SH3PXD2B: variants seen among roughly 807,000 people sequenced by gnomAD.
The protein encoded by SH3PXD2B is SH3 and PX domain-containing protein 2B.
In SH3PXD2B, 37 loss-of-function variants were observed where a neutral mutation model predicts 73.1. The ratio of observed to expected loss-of-function variants is 0.51; its 90% CI spans 0.39 to 0.67. The LOEUF is 0.67. Ranked by LOEUF, SH3PXD2B falls within the 30% of genes least tolerant of loss-of-function variation. SH3PXD2B has a pLI of 0.00. For synonymous variants in SH3PXD2B, 457 were observed against 480.5 expected (o/e 0.95, Z 0.64); for missense variants, 1,053 against 1,197.8 (o/e 0.88, Z 1.78).
intron 1 of SH3PXD2B, among the ~76,000 whole-genome samples, chr5:172,447,892 T>A (rs4868170): frequency 9.7e-5 from 12 of 123,270 alleles, no homozygotes; most frequent in Non-Finnish European, 1.7e-4. Flanking sequence ...TGGGGTGGGG[T>A]GGGGGATGGG....
chr5:172,355,368 T>C (rs1374624268), intron 8 of SH3PXD2B, among the ~76,000 whole-genome samples: 1 of 152,134 alleles, frequency 6.6e-6, no homozygotes. Context: ...AGCTGCAGGC[T>C]AGGCTGCTGG....
In SH3PXD2B at chr5:172,405,726, G is replaced by A. The variant is rs146349060; in HGVS notation, c.232+551C>T. Among the ~76,000 whole-genome samples the A allele has an allele frequency of 1.3e-4, 20 of 152,254 alleles. No individual in the cohort carries two copies. The East Asian group carries it at 3.3e-3, about 25-fold the overall frequency. On this transcript the variant is annotated intron_variant, in intron 3 of 12. Coordinates refer to ENST00000311601, the MANE Select transcript of SH3PXD2B (RefSeq NM_001017995.3). ...CCAGTTGGGCCAAAAACCCTGCCTG[G>A]ATTTTTGGCCCACAGACCTGTGAGG...
At chr5:172,440,531 C>T (rs1470083223) in intron 1 of SH3PXD2B, among the ~76,000 whole-genome samples, 1 of 152,214 alleles carries the variant, frequency 6.6e-6, no homozygotes, top group East Asian at 1.9e-4. Context: ...GTCATCCTCT[C>T]ACCTTTCAGC....
intron 12 of SH3PXD2B, among the ~76,000 whole-genome samples, chr5:172,343,408 A>T (rs567223569): frequency 9.2e-5 from 14 of 152,362 alleles, no homozygotes; most frequent in African/African-American, 3.4e-4. Flanking sequence ...TTTGCAAAGT[A>T]TTGTGGTAGA....
At chr5:172,364,804 C>T (rs1158541034) in intron 6 of SH3PXD2B, among the ~76,000 whole-genome samples, 3 of 152,146 alleles carry the variant, frequency 2.0e-5, no homozygotes, top group Non-Finnish European at 4.4e-5. Flanking sequence ...GTTGGTAGCT[C>T]GAAATTGGCC....
intron 6 of SH3PXD2B, among the ~76,000 whole-genome samples, chr5:172,368,595 G>A (rs866698048): frequency 5.6e-4 from 5 of 8,982 alleles, no homozygotes; most frequent in Admixed American, 2.6e-3. Flanking sequence ...TATAAAATAT[G>A]TTATATATAT....
chr5:172,432,997 C>A (rs76019020), intron 1 of SH3PXD2B, among the ~76,000 whole-genome samples: 7,235 of 151,652 alleles, frequency 0.048, 258 homozygotes, highest in South Asian at 0.19. Context: ...TACACACACA[C>A]ACACAGTTAC....
rs1384168829 is a variant in SH3PXD2B, at chr5:172,390,492, C to T, written c.309+4071G>A. 4.6e-5 allele frequency among the ~76,000 whole-genome samples: 7 copies of T among 152,236 alleles called. No individual in the cohort carries two copies. The East Asian group carries it at 1.3e-3, about 29-fold the overall frequency. ...CTCCAACTCCTGGACTCAAGCAATC[C>T]TCCTGCCTCAGCCTTCTGTGTCCTG... On this transcript the variant is annotated intron_variant, in intron 4 of 12. Coordinates refer to ENST00000311601, the MANE Select transcript of SH3PXD2B (RefSeq NM_001017995.3).
At chr5:172,358,725 G>A (rs773311710) in intron 8 of SH3PXD2B, 48 bp downstream of exon 8, 2 of 1,539,548 alleles carry the variant, frequency 1.3e-6, no homozygotes, top group South Asian at 2.3e-5. Context: ...TATAGGCGAT[G>A]ACTGCACAGG....
chr5:172,409,915 C>T lies in SH3PXD2B; in HGVS notation c.157-3563G>A, dbSNP rs570284173. Among the ~76,000 whole-genome samples, 16 of 152,266 alleles carry T rather than the reference C, an allele frequency of 1.1e-4. No homozygotes were observed. The South Asian group carries it at 3.3e-3, about 32-fold the overall frequency. On this transcript the variant is annotated intron_variant, in intron 2 of 12. Transcript: ENST00000311601. ...ATTTTTAGTACAGACGGGGTTTCACCATCTTGGTCAGGCTAGTCTTGAACT... is the reference window on the plus strand; with the variant it reads ...ATTTTTAGTACAGACGGGGTTTCACTATCTTGGTCAGGCTAGTCTTGAACT...
intron 1 of SH3PXD2B, among the ~76,000 whole-genome samples, chr5:172,433,722 T>A (rs1759305810): frequency 6.6e-6 from 1 of 152,128 alleles, no homozygotes; most frequent in African/African-American, 2.4e-5. Flanking sequence ...TGAGGTTAAG[T>A]CCTTGACCTC....
chr5:172,358,650 C>T lies in SH3PXD2B; in HGVS notation c.667+123G>A. On this transcript the variant is annotated intron_variant, in intron 8 of 12. Transcript: ENST00000311601. ...TGGTTCACAGGCCATGGAGCCTCAG[C>T]CAGTGAGCTGCTGAGACGCAGAGGC... 4 of 913,030 alleles carry T rather than the reference C, an allele frequency of 4.4e-6. No individual in the cohort carries two copies. The East Asian group carries it at 1.1e-4, about 25-fold the overall frequency. 56.6% of individuals were successfully genotyped at this position (913,030 alleles called of 1,614,324 possible).
chr5:172,357,598 G>A (rs1242317874), intron 8 of SH3PXD2B, among the ~76,000 whole-genome samples: 1 of 152,112 alleles, frequency 6.6e-6, no homozygotes, highest in Non-Finnish European at 1.5e-5. Flanking sequence ...GCCTGACAGA[G>A]GCGCTCTCAC....
At position 172,353,834 on chromosome 5, in the gene SH3PXD2B, C is replaced by A; in HGVS notation, c.785+54G>T. ...GCCAGAGTCCCTGTGACCCCAAACCCACCCAGCGTGACCCCAAACCCACCC... is the reference window on the plus strand; with the variant it reads ...GCCAGAGTCCCTGTGACCCCAAACCAACCCAGCGTGACCCCAAACCCACCC... On this transcript the variant is annotated intron_variant, in intron 9 of 12. Transcript: ENST00000311601. This position sits in a 1 kb window ranked among gnomAD's most constrained non-coding sequence, Gnocchi z 4.3. The A allele has an allele frequency of 6.9e-7, 1 of 1,456,890 alleles. No homozygotes were observed. The highest frequency in any genetic ancestry group is 9.6e-7 in the Non-Finnish European group (1 of 1,038,264). 90.2% of individuals were successfully genotyped at this position (1,456,890 alleles called of 1,614,324 possible).
chr5:172,438,797 T>C (rs1373203950), intron 1 of SH3PXD2B, among the ~76,000 whole-genome samples: 1 of 152,216 alleles, frequency 6.6e-6, no homozygotes, highest in East Asian at 1.9e-4. Context: ...GGAACTGTTC[T>C]GTAGTGGAGG....
intron 2 of SH3PXD2B, among the ~76,000 whole-genome samples, chr5:172,411,643 G>A (rs1341471228): frequency 2.0e-5 from 3 of 152,190 alleles, no homozygotes; most frequent in South Asian, 2.1e-4. Flanking sequence ...AGCCTGCTCC[G>A]CGGCGGGGCT....
rs1453862501 is a variant in SH3PXD2B, at chr5:172,454,336, C to G, written c.17G>C (p.Ser6Thr). The change falls in exon 1 of 13, where the codon AGC becomes ACC. Residue 6 changes from serine (S) to threonine (T), a missense_variant. Transcript: ENST00000311601. MPPRRSIVEVKVLDVQ... is the reference protein window; with the variant it reads MPPRRTIVEVKVLDVQ... ...GTCTAGCACCTTCACCTCCACGATG[C>G]TGCGCCGCGGCGGCATGGCCGCTCC... The G allele has an allele frequency of 6.5e-7, 1 of 1,541,046 alleles. No individual in the cohort carries two copies. The highest frequency in any genetic ancestry group is 8.7e-7 in the Non-Finnish European group (1 of 1,147,704).
At chr5:172,403,307 G>A (rs763978296) in intron 3 of SH3PXD2B, among the ~76,000 whole-genome samples, 9 of 152,290 alleles carry the variant, frequency 5.9e-5, no homozygotes, top group South Asian at 2.1e-4. Flanking sequence ...CCCCTCCCCC[G>A]CCTTTGTGCT....
intron 10 of SH3PXD2B, among the ~76,000 whole-genome samples, chr5:172,348,728 A>G (rs941965293): frequency 3.4e-5 from 5 of 147,300 alleles, no homozygotes; most frequent in Admixed American, 6.7e-5. Context: ...TTTTTGAGGG[A>G]CAGGGTCTCG....
Sources: allele counts gnomAD v4.1 joint callset (sites outside exome capture counted in the v4.1 genomes callset), GRCh38; gene constraint gnomAD v4.1.1; non-coding constraint Gnocchi (gnomAD v3.1); transcripts MANE v1.5; gene names NCBI Gene and HGNC (gene_info 2026-07-23, HGNC 2026-07-21).